NAA35: variants seen among roughly 807,000 people sequenced by gnomAD.
NAA35 encodes the protein N-alpha-acetyltransferase 35, NatC auxiliary subunit.
A neutral mutation model predicts 101.7 loss-of-function variants in NAA35; 18 were observed. That is an observed-to-expected ratio of 0.18 (90% CI 0.12 to 0.26). NAA35 has a LOEUF of 0.26. Among genes scored for constraint, NAA35 ranks in the 10% least tolerant of loss-of-function variants. The pLI is 1.00. For synonymous variants in NAA35, 267 were observed against 273.1 expected, an observed-to-expected ratio of 0.98 and a Z score of 0.22; for missense variants, 601 against 886.8, an observed-to-expected ratio of 0.68 and a Z score of 4.09.
In NAA35 at chr9:86,018,293, A is replaced by G; in HGVS notation, c.1812A>G (p.Lys604=). 6.2e-7 allele frequency: 1 copy of G among 1,613,892 alleles called. No individual in the cohort carries two copies. Among genetic ancestry groups the G allele is most frequent in the South Asian group, 1.1e-5 (1 of 91,076 alleles). The change falls in exon 20 of 23, where the codon AAA becomes AAG. Residue 604 remains lysine, a synonymous_variant. Transcript: ENST00000361671. ...VAFDMDGKVR[K]PKFELDSEQV... is the part of the protein sequence containing the mutation. ...TTGACATGGACGGCAAAGTACGTAA[A>G]CCGAAGTTTGAGCTTGATAGTGAAC...
intron 15 of NAA35, among the ~76,000 whole-genome samples, chr9:86,010,843 C>G (rs1232804989): frequency 6.6e-6 from 1 of 151,468 alleles, no homozygotes; most frequent in Non-Finnish European, 1.5e-5. Context: ...TCCCAAAGTG[C>G]TGGGATTACA....
At chr9:86,006,181 A>C (rs1050961971) in intron 13 of NAA35, among the ~76,000 whole-genome samples, 1 of 152,094 alleles carries the variant, frequency 6.6e-6, no homozygotes, top group Admixed American at 6.6e-5. Flanking sequence ...AAAAAAAAAA[A>C]AGTCTGATAA....
At chr9:85,967,738 C>G (rs576576956) in intron 6 of NAA35, among the ~76,000 whole-genome samples, 15 of 151,636 alleles carry the variant, frequency 9.9e-5, no homozygotes, top group African/African-American at 3.4e-4. Context: ...GGAGGCAGAG[C>G]TTGCAGTGAG....
chr9:85,942,568 A>G (rs1828571500), intron 2 of NAA35, among the ~76,000 whole-genome samples: 1 of 152,262 alleles, frequency 6.6e-6, no homozygotes, highest in Non-Finnish European at 1.5e-5. Flanking sequence ...TTGTTAATCT[A>G]AAAGATAATA....
intron 2 of NAA35, among the ~76,000 whole-genome samples, chr9:85,949,022 GC>G (rs1381684981): frequency 6.6e-6 from 1 of 152,162 alleles, no homozygotes; most frequent in Non-Finnish European, 1.5e-5. Context: ...CTCCCAAAGT[GC>G]TGGGATTACA....
rs866291216 is a variant in NAA35, at chr9:86,014,397, G to A, written c.1568+500G>A. 368 of 976,274 alleles carry A rather than the reference G, an allele frequency of 3.8e-4. 1 individual carries two copies. Among genetic ancestry groups the A allele is most frequent in the Middle Eastern group, 3.2e-3 (6 of 1,898 alleles). 60.5% of individuals were successfully genotyped at this position (976,274 alleles called of 1,614,324 possible). A position where few individuals can be genotyped will look rare whatever the true frequency, so the allele number is the denominator to read the frequency against. ...AGAGTAGTTCTTCCCTTTCACTTGCGGACAAAATAAACCTAGTAAGAGGAT... is the reference window on the plus strand; with the variant it reads ...AGAGTAGTTCTTCCCTTTCACTTGCAGACAAAATAAACCTAGTAAGAGGAT... On this transcript the variant is annotated intron_variant, in intron 17 of 22. Coordinates refer to ENST00000361671, the MANE Select transcript of NAA35 (RefSeq NM_024635.4).
At chr9:86,012,987 G>A in intron 15 of NAA35, 59 bp from the exon 16 acceptor site, 1 of 1,187,324 alleles carries the variant, frequency 8.4e-7, no homozygotes, top group Admixed American at 2.3e-5. Context: ...GGAATGTTAA[G>A]TTTCTTTGGT....
At chr9:85,947,478 G>A (rs1251255987) in intron 2 of NAA35, among the ~76,000 whole-genome samples, 4 of 152,174 alleles carry the variant, frequency 2.6e-5, no homozygotes, top group African/African-American at 4.8e-5. Context: ...ATTGTTTTCC[G>A]TGTTCTGTGC....
At chr9:85,994,173 C>T (rs909953107) in intron 11 of NAA35, among the ~76,000 whole-genome samples, 7 of 152,124 alleles carry the variant, frequency 4.6e-5, no homozygotes, top group Admixed American at 6.5e-5. Flanking sequence ...TTAAATAAAA[C>T]GTAAAGCTTA....
chr9:85,978,756 C>T lies in NAA35; in HGVS notation c.877+375C>T, dbSNP rs150840510. Among the ~76,000 whole-genome samples the T allele has an allele frequency of 5.2e-3, 790 of 152,214 alleles. 4 individuals carry two copies. The highest frequency in any genetic ancestry group is 0.018 in the African/African-American group (755 of 41,548). ...GATGACAGCTGTTTCTCAAATCTTC[C>T]TCCCCGAGAATTCAGGGACTAGAGT... is the stretch of plus-strand genomic sequence containing the variant. On this transcript the variant is annotated intron_variant, in intron 11 of 22. Transcript: ENST00000361671.
chr9:85,971,507 G>A (rs868370015), intron 6 of NAA35, among the ~76,000 whole-genome samples: 1 of 152,070 alleles, frequency 6.6e-6, no homozygotes, highest in African/African-American at 2.4e-5. Context: ...CTCTAGTTCT[G>A]TGGCATTCAG....
At chr9:85,941,379 G>T in intron 1 of NAA35, 106 bp downstream of exon 1, 1 of 985,490 alleles carries the variant, frequency 1.0e-6, no homozygotes, top group African/African-American at 1.7e-5. Context: ...GTCACCCTGC[G>T]GCCCCGGCCC....
Position 86,012,275 on chromosome 9 carries a change from C to T in NAA35, c.1291-771C>T, listed in dbSNP as rs190801480. ...CTGGGATTACAGGCGCCTGCCACCA[C>T]GCCCAGCTAATTTTTGTATTTTTAT... is the stretch of plus-strand genomic sequence containing the variant. On this transcript the variant is annotated intron_variant, in intron 15 of 22. Transcript: ENST00000361671. 5.6e-3 allele frequency among the ~76,000 whole-genome samples: 848 copies of T among 151,836 alleles called. 9 individuals are homozygous for T. Among genetic ancestry groups the T allele is most frequent in the Non-Finnish European group, 0.01 (686 of 67,952 alleles).
At chr9:85,980,829 CT>C (rs1186710165) in intron 11 of NAA35, among the ~76,000 whole-genome samples, 1 of 152,046 alleles carries the variant, frequency 6.6e-6, no homozygotes, top group Non-Finnish European at 1.5e-5. Flanking sequence ...CATTTATATC[CT>C]TTTTTCGCCC....
rs183497588 is a variant in NAA35 at position 85,952,867 on chromosome 9, T to G, written c.125-3493T>G. ...ATTTTTACTGCTTTATCAAGGTTGT[T>G]TTTTTATTTTGCCCAGCTTTTTTAT... On this transcript the variant is annotated intron_variant, in intron 2 of 22. Transcript: ENST00000361671. Among the ~76,000 whole-genome samples the G allele has an allele frequency of 1.2e-4, 19 of 152,296 alleles. No individual in the cohort carries two copies. In the East Asian group the frequency reaches 3.7e-3, roughly 29 times the overall value.
chr9:86,011,218 A>T (rs1831905685), intron 15 of NAA35, among the ~76,000 whole-genome samples: 1 of 151,520 alleles, frequency 6.6e-6, no homozygotes, highest in African/African-American at 2.4e-5. Context: ...CAGCCTGGGC[A>T]ACAAGAGCAA....
chr9:85,958,045 G>A (rs1434282042), intron 3 of NAA35, among the ~76,000 whole-genome samples: 2 of 151,906 alleles, frequency 1.3e-5, no homozygotes, highest in East Asian at 3.9e-4. Context: ...GGGTTCAAGC[G>A]ATTCTCCTGC....
At chr9:85,955,956 CTG>C in intron 2 of NAA35, among the ~76,000 whole-genome samples, 1 of 152,182 alleles carries the variant, frequency 6.6e-6, no homozygotes, top group Admixed American at 6.5e-5. Context: ...GGTTTTGACA[CTG>C]TTACTGGAAC....
In NAA35 at chr9:85,942,258, C is replaced by T; in HGVS notation, c.99C>T (p.Thr33=). Residue 33 remains threonine, a synonymous_variant, in exon 2 of 23, where the codon ACC becomes ACT. Coordinates refer to ENST00000361671, the MANE Select transcript of NAA35 (RefSeq NM_024635.4). The part of the protein sequence containing the change: ...EKSNTNWVDI[T]QDFEEACREL... ...GCAATACAAACTGGGTGGACATTAC[C>T]CAAGATTTTGAAGAAGCTTGTCGAG... is the stretch of plus-strand genomic sequence containing the variant. 1.2e-6 allele frequency: 2 copies of T among 1,613,846 alleles called. No individual in the cohort carries two copies. The highest frequency in any genetic ancestry group is 1.7e-6 in the Non-Finnish European group (2 of 1,179,940).
Sources: allele counts gnomAD v4.1 joint callset (sites outside exome capture counted in the v4.1 genomes callset), GRCh38; gene constraint gnomAD v4.1.1; transcripts MANE v1.5; gene names NCBI Gene and HGNC (gene_info 2026-07-23, HGNC 2026-07-21).